EML1: variants seen among roughly 807,000 people sequenced by gnomAD.
The protein encoded by EML1 is EMAP like 1.
In EML1, 27 loss-of-function variants were observed where a neutral mutation model predicts 110.4. That is an observed-to-expected ratio of 0.24 (90% CI 0.18 to 0.34). EML1 has a LOEUF of 0.34. EML1 is among the 10% of genes least tolerant of loss of function. The probability of loss-of-function intolerance (pLI) is 1.00; values close to 1 mark genes in which losing one functional copy is unlikely to be tolerated. For missense variants in EML1, 741 were observed against 1,030.9 expected, an observed-to-expected ratio of 0.72 and a Z score of 3.85; for synonymous variants, 344 against 385.8, an observed-to-expected ratio of 0.89 and a Z score of 1.27.
At chr14:99,751,807 A>T (rs1028143482) in intron 1 of EML1, among the ~76,000 whole-genome samples, 5 of 152,054 alleles carry the variant, frequency 3.3e-5, no homozygotes, top group Non-Finnish European at 7.4e-5. Flanking sequence ...GCGGAAGACG[A>T]GCTTAGACAG....
At chr14:99,808,801 A>T (rs1428630461) in intron 1 of EML1, among the ~76,000 whole-genome samples, 2 of 152,238 alleles carry the variant, frequency 1.3e-5, no homozygotes, top group Non-Finnish European at 1.5e-5. Context: ...CCCTTAGAAC[A>T]TAACCCCAAT....
Position 99,939,077 on chromosome 14 carries a change from G to C in EML1, c.2192-120G>C. ...AGGCTATTGTGCTTTTTTGACCCTT[G>C]TTTCTAAAGCTGGACTTCAGGCAGT... On this transcript the variant is annotated intron_variant, in intron 20 of 21. Coordinates refer to ENST00000262233, the MANE Select transcript of EML1 (RefSeq NM_004434.3). The surrounding 1 kb of genome is among the most constrained non-coding windows in gnomAD (Gnocchi z 4.2). 1.4e-6 allele frequency: 2 copies of C among 1,472,834 alleles called. No individual in the cohort carries two copies. The highest frequency in any genetic ancestry group is 1.8e-6 in the Non-Finnish European group (2 of 1,099,130). 91.2% of individuals were successfully genotyped at this position (1,472,834 alleles called of 1,614,324 possible).
exon 1 of EML1, chr14:99,773,651 G>A (rs1018460500): frequency 6.6e-6 from 1 of 152,242 alleles, no homozygotes. Flanking sequence ...CGTCCCCCTG[G>A]GGCGCCCCGT....
chr14:99,813,051 G>A (rs1208003393), intron 1 of EML1, among the ~76,000 whole-genome samples: 3 of 152,146 alleles, frequency 2.0e-5, no homozygotes, highest in Non-Finnish European at 4.4e-5. Flanking sequence ...CCTTTGAAAT[G>A]TAGTACTCTG....
At chr14:99,798,483 C>G (rs565820834) in intron 1 of EML1, among the ~76,000 whole-genome samples, 23 of 152,066 alleles carry the variant, frequency 1.5e-4, no homozygotes, top group African/African-American at 4.6e-4. Context: ...ACCTCCGCCC[C>G]CTAGGTTCAA....
intron 2 of EML1, among the ~76,000 whole-genome samples, chr14:99,863,103 C>T (rs970719023): frequency 1.1e-4 from 16 of 152,208 alleles, no homozygotes; most frequent in African/African-American, 3.6e-4. Flanking sequence ...CCGCTGCCAT[C>T]CTCCATCCTT....
At position 99,784,875 on chromosome 14, in the gene EML1, A is replaced by G. The variant is rs1415740987; in HGVS notation, c.-27+10862A>G. ...CAGACTGAGTGGAAAGACATTTCCA[A>G]CAGCAGGAATCTCACAACCAAAGCC... On this transcript the variant is annotated intron_variant, in intron 1 of 22. Transcript: ENST00000327921. This position sits in a 1 kb window ranked among gnomAD's most constrained non-coding sequence, Gnocchi z 4.5. 6.6e-6 allele frequency among the ~76,000 whole-genome samples: 1 copy of G among 152,210 alleles called. No homozygotes were observed. The highest frequency in any genetic ancestry group is 1.5e-5 in the Non-Finnish European group (1 of 68,030).
chr14:99,816,202 C>T (rs899523892), intron 1 of EML1, among the ~76,000 whole-genome samples: 2 of 152,182 alleles, frequency 1.3e-5, no homozygotes, highest in African/African-American at 2.4e-5. Context: ...CTCACTCTGT[C>T]GCCCAGGCTG....
At chr14:99,934,540 G>C (rs1298266176) in intron 17 of EML1, among the ~76,000 whole-genome samples, 1 of 152,240 alleles carries the variant, frequency 6.6e-6, no homozygotes, top group African/African-American at 2.4e-5. Context: ...ACCCTTACCT[G>C]ATGCTTTACG....
At chr14:99,930,650 A>G (rs1311226192) in intron 17 of EML1, among the ~76,000 whole-genome samples, 1 of 152,250 alleles carries the variant, frequency 6.6e-6, no homozygotes, top group Non-Finnish European at 1.5e-5. Context: ...CAGAAGCTTC[A>G]TAGTGATAAT....
At chr14:99,778,769 T>C (rs1044810135) in intron 1 of EML1, among the ~76,000 whole-genome samples, 2 of 152,186 alleles carry the variant, frequency 1.3e-5, no homozygotes, top group Non-Finnish European at 2.9e-5. Context: ...GTTAAAATAA[T>C]TTTTTCCCTC....
chr14:99,846,752 G>C (rs548118843), intron 1 of EML1, among the ~76,000 whole-genome samples: 1 of 152,226 alleles, frequency 6.6e-6, no homozygotes, highest in South Asian at 2.1e-4. Flanking sequence ...AGCTTCTTAA[G>C]GATAGCTGTG....
chr14:99,936,107 C>T lies in EML1; in HGVS notation c.1988C>T (p.Thr663Met), dbSNP rs756353164. ...GTTAGTGACAACGGGAGGAAGTACA[C>T]GCGAGTGGGCAAGTGCTCGGTAAGC... ...YGVSDNGRKY[T>M]RVGKCSGHSS... The change falls in exon 18 of 22, where the codon ACG becomes ATG. Residue 663 changes from threonine to methionine, a missense_variant. Thr to Met is a moderately conservative substitution (Grantham distance 81, BLOSUM62 -1). Around this residue, in one of 4 missense-constraint regions of EML1, gnomAD observed 388 missense variants for 605.6 expected, o/e 0.64. Coordinates refer to ENST00000262233, the MANE Select transcript of EML1 (RefSeq NM_004434.3). The surrounding 1 kb of genome is among the most constrained non-coding windows in gnomAD (Gnocchi z 5.5). 1.2e-5 allele frequency: 19 copies of T among 1,613,954 alleles called. No homozygotes were observed. In the South Asian group the frequency reaches 1.4e-4, roughly 12 times the overall value.
At chr14:99,875,711 G>A (rs1324646742) in intron 3 of EML1, among the ~76,000 whole-genome samples, 1 of 152,164 alleles carries the variant, frequency 6.6e-6, no homozygotes, top group African/African-American at 2.4e-5. Context: ...TAAAGACTGG[G>A]CGGAGAATAA....
At chr14:99,779,114 A>T (rs764773359) in intron 1 of EML1, among the ~76,000 whole-genome samples, 1 of 151,846 alleles carries the variant, frequency 6.6e-6, no homozygotes, top group Non-Finnish European at 1.5e-5. Context: ...TTCTTTGATG[A>T]TTTCCCTTCC....
intron 4 of EML1, among the ~76,000 whole-genome samples, chr14:99,880,315 G>A (rs1392503663): frequency 6.6e-6 from 1 of 152,144 alleles, no homozygotes; most frequent in Non-Finnish European, 1.5e-5. Flanking sequence ...AAGAGCTGCA[G>A]TAACTCAAAA....
At chr14:99,800,167 C>A (rs1386023742) in intron 1 of EML1, among the ~76,000 whole-genome samples, 1 of 152,168 alleles carries the variant, frequency 6.6e-6, no homozygotes, top group African/African-American at 2.4e-5. Flanking sequence ...TCATGTTTTT[C>A]TCACTAGACG....
chr14:99,786,471 A>G (rs1255612388), intron 1 of EML1, among the ~76,000 whole-genome samples: 1 of 152,218 alleles, frequency 6.6e-6, no homozygotes, highest in African/African-American at 2.4e-5. Context: ...ATCATCTCCC[A>G]GGAGAGACAG....
chr14:99,919,874 G>A (rs1408819849), intron 16 of EML1, among the ~76,000 whole-genome samples: 1 of 152,146 alleles, frequency 6.6e-6, no homozygotes, highest in Non-Finnish European at 1.5e-5. Context: ...TGCCTGGCTA[G>A]GGGGGCTCCT....
Sources: allele counts gnomAD v4.1 joint callset (sites outside exome capture counted in the v4.1 genomes callset), GRCh38; gene constraint gnomAD v4.1.1; regional missense constraint gnomAD v4.1.1; non-coding constraint Gnocchi (gnomAD v3.1); transcripts MANE v1.5; gene names NCBI Gene and HGNC (gene_info 2026-07-23, HGNC 2026-07-21).